Variants in FAM168A observed in about 807,000 individuals in gnomAD.
The protein encoded by FAM168A is family with sequence similarity 168 member A.
Under a neutral mutation model 28.5 loss-of-function variants are expected in FAM168A, and 3 were observed. That is an observed-to-expected ratio of 0.11 (90% CI 0.05 to 0.27). The LOEUF (loss-of-function observed/expected upper bound fraction) is 0.27, where lower values mean the gene tolerates loss of function less well. Ranked by LOEUF, FAM168A falls within the 10% of genes least tolerant of loss-of-function variation. The probability of loss-of-function intolerance (pLI) is 1.00; values close to 1 mark genes in which losing one functional copy is unlikely to be tolerated. For synonymous variants in FAM168A, 122 were observed against 124.2 expected, an observed-to-expected ratio of 0.98 and a Z score of 0.12; for missense variants, 222 against 311.5, an observed-to-expected ratio of 0.71 and a Z score of 2.16.
chr11:73,556,965 G>A (rs1490599246), intron 1 of FAM168A, among the ~76,000 whole-genome samples: 1 of 151,836 alleles, frequency 6.6e-6, no homozygotes, highest in East Asian at 1.9e-4. Flanking sequence ...GGAGGCAGAG[G>A]TTGCAGTGAG....
intron 1 of FAM168A, among the ~76,000 whole-genome samples, chr11:73,537,004 A>C (rs998568694): frequency 1.3e-5 from 2 of 152,216 alleles, no homozygotes; most frequent in Admixed American, 1.3e-4. Context: ...ATGAGGAAGG[A>C]GGTCTCTCAT....
chr11:73,512,771 A>G (rs912543563), intron 1 of FAM168A, among the ~76,000 whole-genome samples: 3 of 152,182 alleles, frequency 2.0e-5, no homozygotes, highest in African/African-American at 7.2e-5. Flanking sequence ...ACATAAATAT[A>G]ATACAGCTAG....
chr11:73,436,082 G>C (rs1374278826), intron 2 of FAM168A, among the ~76,000 whole-genome samples: 1 of 151,646 alleles, frequency 6.6e-6, no homozygotes, highest in Non-Finnish European at 1.5e-5. Context: ...AGAGTGAAGA[G>C]AATAAATGGA....
intron 1 of FAM168A, among the ~76,000 whole-genome samples, chr11:73,586,032 G>A (rs965772081): frequency 6.6e-6 from 1 of 152,048 alleles, no homozygotes; most frequent in Non-Finnish European, 1.5e-5. Flanking sequence ...GTAAAAACTG[G>A]TTCACTCACT....
intron 1 of FAM168A, among the ~76,000 whole-genome samples, chr11:73,534,902 T>C (rs545887710): frequency 3.9e-4 from 60 of 152,304 alleles, no homozygotes; most frequent in African/African-American, 1.3e-3. Flanking sequence ...GCAGGGTTAC[T>C]ATACAGCAAA....
intron 1 of FAM168A, among the ~76,000 whole-genome samples, chr11:73,540,066 A>G (rs926069502): frequency 6.6e-6 from 1 of 152,224 alleles, no homozygotes; most frequent in Non-Finnish European, 1.5e-5. Flanking sequence ...CTACTCATCA[A>G]CTTCTAAATC....
chr11:73,444,884 T>A (rs1377202360), intron 2 of FAM168A, among the ~76,000 whole-genome samples: 1 of 152,214 alleles, frequency 6.6e-6, no homozygotes, highest in Admixed American at 6.5e-5. Flanking sequence ...TCTATGTTCT[T>A]CTCATGTCAG....
chr11:73,414,863 G>A (rs768276809), intron 4 of FAM168A, among the ~76,000 whole-genome samples: 1 of 152,202 alleles, frequency 6.6e-6, no homozygotes, highest in African/African-American at 2.4e-5. Context: ...ATTCTAAAAT[G>A]TTATGGCTTA....
chr11:73,403,405 C>T lies in FAM168A; in HGVS notation c.*3358G>A, dbSNP rs1866448298. 6.6e-6 allele frequency: 1 copy of T among 151,884 alleles called. No homozygotes were observed. Among genetic ancestry groups the T allele is most frequent in the African/African-American group, 2.4e-5 (1 of 41,160 alleles). 9.4% of individuals were successfully genotyped at this position (151,884 alleles called of 1,614,324 possible). ...TTGGCTGGTAACGAGCCATCTGTAC[C>T]CCTGATCCTGGCCATAGGTGTTGCA... On this transcript the variant is annotated 3_prime_UTR_variant, in exon 8 of 8. Coordinates refer to ENST00000356467, the MANE Select transcript of FAM168A (RefSeq NM_015159.3).
At chr11:73,572,842 C>T (rs1184563632) in intron 1 of FAM168A, among the ~76,000 whole-genome samples, 2 of 151,916 alleles carry the variant, frequency 1.3e-5, no homozygotes, top group African/African-American at 4.8e-5. Flanking sequence ...GCCAAATCCC[C>T]CTCTGTGAGA....
chr11:73,448,663 T>A (rs1239594080), intron 2 of FAM168A, among the ~76,000 whole-genome samples: 1 of 152,226 alleles, frequency 6.6e-6, no homozygotes, highest in Non-Finnish European at 1.5e-5. Context: ...AGAAGTCTGC[T>A]GGGGATATTT....
intron 2 of FAM168A, among the ~76,000 whole-genome samples, chr11:73,431,757 T>C: frequency 7.0e-6 from 1 of 143,590 alleles, no homozygotes; most frequent in South Asian, 2.1e-4. Flanking sequence ...TTTTTTGAAA[T>C]TTTTTTTATC....
intron 1 of FAM168A, among the ~76,000 whole-genome samples, chr11:73,521,455 G>T (rs1943374989): frequency 6.6e-6 from 1 of 151,122 alleles, no homozygotes; most frequent in South Asian, 2.1e-4. Flanking sequence ...GGTGGAAGGA[G>T]ATTAGAAAAA....
Position 73,405,188 on chromosome 11 carries a change from C to T in FAM168A, c.*1575G>A, listed in dbSNP as rs1401144157. The T allele has an allele frequency of 2.0e-5, 3 of 152,264 alleles. No individual in the cohort carries two copies. The East Asian group carries it at 5.8e-4, about 29-fold the overall frequency. 9.4% of individuals were successfully genotyped at this position (152,264 alleles called of 1,614,324 possible). A position where few individuals can be genotyped will look rare whatever the true frequency, so the allele number is the denominator to read the frequency against. ...TTCGGCCAGTCCACCTGCTCCTTCT[C>T]CTGGAGGTGGAGTCAGGTACAGGAC... On this transcript the variant is annotated 3_prime_UTR_variant, in exon 8 of 8. Transcript: ENST00000356467.
intron 1 of FAM168A, among the ~76,000 whole-genome samples, chr11:73,592,960 T>C (rs1697581179): frequency 6.6e-6 from 1 of 152,096 alleles, no homozygotes; most frequent in South Asian, 2.1e-4. Flanking sequence ...GTTTTTATCA[T>C]GAGCACACAT....
chr11:73,556,455 C>A (rs1943890426), intron 1 of FAM168A, among the ~76,000 whole-genome samples: 1 of 150,828 alleles, frequency 6.6e-6, no homozygotes, highest in South Asian at 2.1e-4. Flanking sequence ...AAGACAAATC[C>A]TATATGATTC....
chr11:73,489,866 G>A (rs1868105768), intron 1 of FAM168A, among the ~76,000 whole-genome samples: 2 of 152,036 alleles, frequency 1.3e-5, no homozygotes, highest in Admixed American at 6.6e-5. Flanking sequence ...ACTCACCTGG[G>A]TTTTGATATG....
chr11:73,440,924 T>A (rs1200918426), intron 2 of FAM168A, among the ~76,000 whole-genome samples: 2 of 152,010 alleles, frequency 1.3e-5, no homozygotes, highest in African/African-American at 4.8e-5. Flanking sequence ...AATAAGCCAA[T>A]AGAATCTAAT....
chr11:73,479,917 C>G (rs2134592113), intron 1 of FAM168A, among the ~76,000 whole-genome samples: 1 of 152,236 alleles, frequency 6.6e-6, no homozygotes, highest in South Asian at 2.1e-4. Context: ...TTTCTTCTTA[C>G]CAAACAACTT....
Sources: gnomAD v4.1 joint callset for allele counts (sites outside exome capture counted in the v4.1 genomes callset) on GRCh38, gnomAD v4.1.1 for gene constraint, MANE v1.5 for transcripts, NCBI Gene and HGNC (gene_info 2026-07-23, HGNC 2026-07-21) for gene names.